The following KCNQ1 variants were observed in gnomAD, a reference collection of about 807,000 sequenced individuals.
KCNQ1 encodes potassium voltage-gated channel subfamily KQT member 1.
Under a neutral mutation model 72.4 loss-of-function variants are expected in KCNQ1, and 49 were observed. The observed-to-expected ratio is 0.68, with a 90% CI of 0.54 to 0.86. The LOEUF is 0.86. Ranked by LOEUF, KCNQ1 falls within the 40% of genes least tolerant of loss-of-function variation. The pLI, the probability that KCNQ1 is intolerant of heterozygous loss-of-function variation, is 0.00. For synonymous variants in KCNQ1, 450 were observed against 412.6 expected, an observed-to-expected ratio of 1.09 and a Z score of -1.10; for missense variants, 790 against 945.1, an observed-to-expected ratio of 0.84 and a Z score of 2.15.
rs1402212081 is a variant in KCNQ1, at chr11:2,769,335, G to A, written c.1590+416G>A. 3.3e-5 allele frequency among the ~76,000 whole-genome samples: 5 copies of A among 152,176 alleles called. No individual in the cohort carries two copies. The highest frequency in any genetic ancestry group is 1.2e-4 in the African/African-American group (5 of 41,446). ...GAAGGCAGGTCCCCCAGACCCCCCA[G>A]CCCTGTCCTCCACTGGCTCAGTGCT... On this transcript the variant is annotated intron_variant, in intron 12 of 15. Coordinates refer to ENST00000155840, the MANE Select transcript of KCNQ1 (RefSeq NM_000218.3). This position sits in a 1 kb window ranked among gnomAD's most constrained non-coding sequence, Gnocchi z 4.6.
intron 11 of KCNQ1, among the ~76,000 whole-genome samples, chr11:2,731,868 A>G (rs1590057915): frequency 1.3e-5 from 2 of 152,346 alleles, no homozygotes; most frequent in Non-Finnish European, 2.9e-5. Context: ...GGCTGCTCAC[A>G]GCCTTCACCA....
At chr11:2,487,298 A>T (rs902078581) in intron 1 of KCNQ1, among the ~76,000 whole-genome samples, 2 of 152,250 alleles carry the variant, frequency 1.3e-5, no homozygotes, top group Admixed American at 6.5e-5. Flanking sequence ...TTTTGAAATC[A>T]GAAAGTGTTA....
Position 2,703,763 on chromosome 11 carries a change from G to A in KCNQ1, c.1514+41682G>A, listed in dbSNP as rs976728025. Among the ~76,000 whole-genome samples the A allele has an allele frequency of 6.6e-6, 1 of 152,176 alleles. No individual in the cohort carries two copies. Among genetic ancestry groups the A allele is most frequent in the Admixed American group, 6.5e-5 (1 of 15,282 alleles). ...ACCCAAGCAGCAGGATGTGTGGCAG[G>A]CCCTGGCCAAGGAGTTCTGTGGGCC... On this transcript the variant is annotated intron_variant, in intron 11 of 15. Coordinates refer to ENST00000155840, the MANE Select transcript of KCNQ1 (RefSeq NM_000218.3). The surrounding 1 kb of genome is among the most constrained non-coding windows in gnomAD (Gnocchi z 6.4).
intron 10 of KCNQ1, among the ~76,000 whole-genome samples, chr11:2,604,451 T>C (rs143548626): frequency 0.072 from 10,890 of 151,102 alleles, 852 homozygotes; most frequent in African/African-American, 0.19. Context: ...GCACTCCAGC[T>C]TAGGCAACAG....
chr11:2,668,085 C>T lies in KCNQ1; in HGVS notation c.1514+6004C>T, dbSNP rs1457123094. ...GGTGGGAATGATGCAACTCATACAC[C>T]TTTGTGTCCAATGTCCCTCACTCAA... On this transcript the variant is annotated intron_variant, in intron 11 of 15. Transcript: ENST00000155840. The surrounding 1 kb of genome is among the most constrained non-coding windows in gnomAD (Gnocchi z 4.3). The T allele has an allele frequency of 5.0e-6, 2 of 398,592 alleles. No individual in the cohort carries two copies. The highest frequency in any genetic ancestry group is 8.8e-6 in the Non-Finnish European group (2 of 226,076). The allele number at this position is 398,592 out of a possible 1,614,324, so 24.7% of individuals were successfully genotyped here.
Position 2,611,151 on chromosome 11 carries a change from T to C in KCNQ1, c.1393+22297T>C. On this transcript the variant is annotated intron_variant, in intron 10 of 15. Coordinates refer to ENST00000155840, the MANE Select transcript of KCNQ1 (RefSeq NM_000218.3). The surrounding 1 kb of genome is among the most constrained non-coding windows in gnomAD (Gnocchi z 5.3). ...TCCTGTTAAATTTTCCCTTTTGTCATTGTAAAATGCTTCTCAGTATCTCTA... is the reference window on the plus strand; with the variant it reads ...TCCTGTTAAATTTTCCCTTTTGTCACTGTAAAATGCTTCTCAGTATCTCTA... 1 of 398,444 alleles carries C rather than the reference T, an allele frequency of 2.5e-6. No individual in the cohort carries two copies. The highest frequency in any genetic ancestry group is 3.6e-5 in the East Asian group (1 of 28,068). The allele number at this position is 398,444 out of a possible 1,614,324, so 24.7% of individuals were successfully genotyped here.
Position 2,588,660 on chromosome 11 carries a change from G to T in KCNQ1, c.1252-53G>T, listed in dbSNP as rs1848627736. ...CACAGGCACTCTGGGGCCGGCGTAG[G>T]GCCTGGCAGACGATGTCCAGGAACC... On this transcript the variant is annotated intron_variant, in intron 9 of 15. Transcript: ENST00000155840. The surrounding 1 kb of genome is among the most constrained non-coding windows in gnomAD (Gnocchi z 5.6). The T allele has an allele frequency of 6.2e-7, 1 of 1,608,094 alleles. No homozygotes were observed. Among genetic ancestry groups the T allele is most frequent in the South Asian group, 1.1e-5 (1 of 90,860 alleles).
intron 5 of KCNQ1, among the ~76,000 whole-genome samples, chr11:2,572,310 G>C (rs891790311): frequency 2.0e-5 from 3 of 152,316 alleles, no homozygotes; most frequent in Admixed American, 2.0e-4. Flanking sequence ...CCCCAGCCTG[G>C]TGCCAGTGAC....
At chr11:2,453,030 C>G (rs1846137135) in intron 1 of KCNQ1, among the ~76,000 whole-genome samples, 2 of 152,254 alleles carry the variant, frequency 1.3e-5, no homozygotes, top group African/African-American at 2.4e-5. Context: ...TTTTCTATGA[C>G]TTGAATGCTA....
At chr11:2,522,713 T>C (rs1326438265) in intron 1 of KCNQ1, among the ~76,000 whole-genome samples, 4 of 152,250 alleles carry the variant, frequency 2.6e-5, no homozygotes, top group Admixed American at 2.6e-4. Flanking sequence ...GCCTGGCCCA[T>C]GGGCACCTGT....
chr11:2,537,154 G>T lies in KCNQ1; in HGVS notation c.477+9136G>T, dbSNP rs1847746126. The stretch of plus-strand genomic sequence containing the variant: ...ATATGAATTTGAGGGCAACCCAGGG[G>T]TCTCCAAACCATGGCCCACAGGGTG... On this transcript the variant is annotated intron_variant, in intron 2 of 15. Coordinates refer to ENST00000155840, the MANE Select transcript of KCNQ1 (RefSeq NM_000218.3). The surrounding 1 kb of genome is among the most constrained non-coding windows in gnomAD (Gnocchi z 5.2). Among the ~76,000 whole-genome samples the T allele has an allele frequency of 6.6e-6, 1 of 151,898 alleles. No homozygotes were observed. The highest frequency in any genetic ancestry group is 2.1e-4 in the South Asian group (1 of 4,822).
chr11:2,829,552 T>C (rs234852), intron 15 of KCNQ1, among the ~76,000 whole-genome samples: 101,213 of 152,062 alleles, frequency 0.67, 34,832 homozygotes, highest in South Asian at 0.76. Flanking sequence ...TTGTGTAAAA[T>C]GCAAACAGTA....
chr11:2,696,377 G>C lies in KCNQ1; in HGVS notation c.1514+34296G>C, dbSNP rs971195204. On this transcript the variant is annotated intron_variant, in intron 11 of 15. Coordinates refer to ENST00000155840, the MANE Select transcript of KCNQ1 (RefSeq NM_000218.3). ...TCTGAACAGTCCCCACTGATATGTGGTGCCACCTTTATCACATGTCCCCTT... is the reference window on the plus strand; with the variant it reads ...TCTGAACAGTCCCCACTGATATGTGCTGCCACCTTTATCACATGTCCCCTT... 3.4e-4 allele frequency: 136 copies of C among 398,598 alleles called. No homozygotes were observed. In the East Asian group the frequency reaches 4.6e-3, roughly 14 times the overall value. 24.7% of individuals were successfully genotyped at this position (398,598 alleles called of 1,614,324 possible). A position where few individuals can be genotyped will look rare whatever the true frequency, so the allele number is the denominator to read the frequency against.
chr11:2,632,967 C>CA (rs1288543916), intron 10 of KCNQ1: 1 of 398,294 alleles, frequency 2.5e-6, no homozygotes, highest in East Asian at 3.6e-5. Context: ...TGATAGTCTA[C>CA]TTTTAGTTTT....
intron 1 of KCNQ1, chr11:2,461,563 C>G (rs768339470): frequency 7.4e-7 from 1 of 1,353,384 alleles, no homozygotes; most frequent in Admixed American, 1.9e-5. Flanking sequence ...CCTGGATTTA[C>G]TCAGCCCAGA....
chr11:2,641,858 T>A (rs1119488), intron 10 of KCNQ1: 356,439 of 398,370 alleles, frequency 0.89, 159,717 homozygotes, highest in East Asian at 0.99. Context: ...ATGGATATCT[T>A]ATTTTCCCAG....
In KCNQ1 at chr11:2,509,960, G is replaced by C. The variant is rs1415242926; in HGVS notation, c.387-17968G>C. On this transcript the variant is annotated intron_variant, in intron 1 of 15. Coordinates refer to ENST00000155840, the MANE Select transcript of KCNQ1 (RefSeq NM_000218.3). The surrounding 1 kb of genome is among the most constrained non-coding windows in gnomAD (Gnocchi z 6.3). ...TAGATATGTCCTGGCATCTGACTTT[G>C]GTTTCCTGGTGTTTAAAGGCTAATT... Among the ~76,000 whole-genome samples the C allele has an allele frequency of 6.6e-6, 1 of 152,152 alleles. No homozygotes were observed. Among genetic ancestry groups the C allele is most frequent in the Admixed American group, 6.5e-5 (1 of 15,268 alleles).
Position 2,803,463 on chromosome 11 carries a change from G to C in KCNQ1, c.1794+25426G>C, listed in dbSNP as rs1847312383. 6.6e-6 allele frequency among the ~76,000 whole-genome samples: 1 copy of C among 152,206 alleles called. No homozygotes were observed. The highest frequency in any genetic ancestry group is 2.1e-4 in the South Asian group (1 of 4,826). On this transcript the variant is annotated intron_variant, in intron 15 of 15. Transcript: ENST00000155840. This position sits in a 1 kb window ranked among gnomAD's most constrained non-coding sequence, Gnocchi z 6.4. ...GGAGAATGCACCTGTGTTCCCAGGA[G>C]CTTTAGGGGTACCCAGGTGGTGTGA...
rs567438875 is a variant in KCNQ1, at chr11:2,724,125, G to A, written c.1515-44719G>A. Among the ~76,000 whole-genome samples, 141 of 152,242 alleles carry A rather than the reference G, an allele frequency of 9.3e-4. No individual in the cohort carries two copies. Among genetic ancestry groups the A allele is most frequent in the Non-Finnish European group, 1.3e-3 (88 of 68,010 alleles). ...TAGAGAATCACATCTGGACCAGGAC[G>A]TTCTGGTAAGATCGCCAGGGGGCCG... On this transcript the variant is annotated intron_variant, in intron 11 of 15. Coordinates refer to ENST00000155840, the MANE Select transcript of KCNQ1 (RefSeq NM_000218.3). This position sits in a 1 kb window ranked among gnomAD's most constrained non-coding sequence, Gnocchi z 6.8.
Sources: allele counts gnomAD v4.1 joint callset (sites outside exome capture counted in the v4.1 genomes callset), GRCh38; gene constraint gnomAD v4.1.1; non-coding constraint Gnocchi (gnomAD v3.1); transcripts MANE v1.5; gene names NCBI Gene and HGNC (gene_info 2026-07-23, HGNC 2026-07-21).